The following SLC22A24 variants were observed in gnomAD, a reference collection of about 807,000 sequenced individuals.
SLC22A24 encodes the protein solute carrier family 22 member 24, also known as steroid transmembrane transporter SLC22A24.
A neutral mutation model predicts 49.8 loss-of-function variants in SLC22A24; 53 were observed. That is an observed-to-expected ratio of 1.06 (90% CI 0.85 to 1.34). The LOEUF (loss-of-function observed/expected upper bound fraction) is 1.34. Among genes scored for constraint, SLC22A24 ranks in the 40% most tolerant of loss-of-function variants. The pLI, the probability that SLC22A24 is intolerant of heterozygous loss-of-function variation, is 0.00. For missense variants in SLC22A24, 786 were observed against 675.9 expected, an observed-to-expected ratio of 1.16 and a Z score of -1.81; for synonymous variants, 302 against 256.4, an observed-to-expected ratio of 1.18 and a Z score of -1.70.
intron 2 of SLC22A24, among the ~76,000 whole-genome samples, chr11:63,131,998 A>T (rs2096782): frequency 0.8 from 120,974 of 152,052 alleles, 49,209 homozygotes; most frequent in East Asian, 0.9. Flanking sequence ...TTTTTTCTCT[A>T]ATCTTGTCTT....
intron 1 of SLC22A24, among the ~76,000 whole-genome samples, chr11:63,138,843 T>C (rs561939879): frequency 2.2e-4 from 33 of 150,390 alleles, no homozygotes; most frequent in South Asian, 8.4e-4. Flanking sequence ...ATAAGGTTTT[T>C]TCCCCCCCAT....
Position 63,143,684 on chromosome 11 carries a change from G to A in SLC22A24, c.96C>T (p.Phe32=). The A allele has an allele frequency of 6.3e-7, 1 of 1,586,672 alleles. No individual in the cohort carries two copies. Residue 32 remains phenylalanine (F), a synonymous_variant, in exon 1 of 10, where the codon TTC becomes TTT. Coordinates refer to ENST00000612278, the MANE Select transcript of SLC22A24 (RefSeq NM_001136506.2). ...TGAAGTTCTCCAACACAATATTAGGGAACAGTAGGATGTTGGTGATGCAAA... is the reference window on the plus strand; with the variant it reads ...TGAAGTTCTCCAACACAATATTAGGAAACAGTAGGATGTTGGTGATGCAAA... The part of the protein sequence containing the change: ...AFFCITNILL[F]PNIVLENFTA...
chr11:63,090,328 C>T (rs1386570201), intron 6 of SLC22A24, among the ~76,000 whole-genome samples: 1 of 151,972 alleles, frequency 6.6e-6, no homozygotes. Flanking sequence ...CAAGGGTATT[C>T]AGGACTTGAA....
At chr11:63,132,698 C>T (rs757265646) in intron 2 of SLC22A24, among the ~76,000 whole-genome samples, 1 of 152,196 alleles carries the variant, frequency 6.6e-6, no homozygotes, top group South Asian at 2.1e-4. Context: ...GAGCACCCAC[C>T]TGTATGAGGT....
chr11:63,141,971 G>A lies in SLC22A24; in HGVS notation c.402+1407C>T, dbSNP rs984405176. Reference sequence around the variant, plus strand: ...GTTCTTGATGTTTTTTTTTCTGCAGGTTAGACTAAATTCTAAATTATTTGT... The same window carrying A: ...GTTCTTGATGTTTTTTTTTCTGCAGATTAGACTAAATTCTAAATTATTTGT... On this transcript the variant is annotated intron_variant, in intron 1 of 9. Coordinates refer to ENST00000612278, the MANE Select transcript of SLC22A24 (RefSeq NM_001136506.2). Among the ~76,000 whole-genome samples, 5 of 151,864 alleles carry A rather than the reference G, an allele frequency of 3.3e-5. No individual in the cohort carries two copies. The East Asian group carries it at 5.8e-4, about 18-fold the overall frequency.
At chr11:63,129,034 G>C (rs1260356683) in intron 2 of SLC22A24, among the ~76,000 whole-genome samples, 2 of 152,154 alleles carry the variant, frequency 1.3e-5, no homozygotes, top group Non-Finnish European at 1.5e-5. Context: ...TGGTGTTTTA[G>C]TCATGAAGTC....
intron 2 of SLC22A24, among the ~76,000 whole-genome samples, chr11:63,131,020 A>G (rs1386809080): frequency 6.6e-6 from 1 of 151,952 alleles, no homozygotes; most frequent in East Asian, 1.9e-4. Context: ...TCCCTTTACC[A>G]TTATATAGTG....
intron 5 of SLC22A24, among the ~76,000 whole-genome samples, chr11:63,097,951 G>A (rs554173355): frequency 1.4e-4 from 22 of 152,206 alleles, no homozygotes; most frequent in Non-Finnish European, 2.9e-4. Context: ...GAAAGCATTA[G>A]GACAAATACC....
chr11:63,134,951 A>T (rs2087363235), intron 1 of SLC22A24, among the ~76,000 whole-genome samples, 183 bp from the exon 2 acceptor site: 5 of 152,172 alleles, frequency 3.3e-5, no homozygotes, highest in Admixed American at 3.3e-4. Flanking sequence ...TACTAAACTT[A>T]TTTCAACTTT....
At chr11:63,135,073 C>T (rs187246512) in intron 1 of SLC22A24, among the ~76,000 whole-genome samples, 3 of 152,186 alleles carry the variant, frequency 2.0e-5, no homozygotes, top group East Asian at 3.9e-4. Flanking sequence ...TAATGCATTA[C>T]CTTATACACA....
At chr11:63,118,232 T>TC (rs397783848) in intron 4 of SLC22A24, among the ~76,000 whole-genome samples, 1 of 151,794 alleles carries the variant, frequency 6.6e-6, no homozygotes, top group Non-Finnish European at 1.5e-5. Flanking sequence ...TATTTTTTTT[T>TC]CAAGGCTGCA....
intron 1 of SLC22A24, among the ~76,000 whole-genome samples, chr11:63,140,772 G>A (rs2087410103): frequency 1.3e-5 from 2 of 152,192 alleles, no homozygotes; most frequent in Middle Eastern, 3.2e-3. Flanking sequence ...CGTAGGGAAT[G>A]TGTTTTTGGT....
intron 2 of SLC22A24, among the ~76,000 whole-genome samples, chr11:63,128,555 G>A (rs780940592): frequency 5.9e-5 from 9 of 152,154 alleles, no homozygotes; most frequent in South Asian, 2.1e-4. Context: ...CTCCTGGTCC[G>A]CTTTCATGTT....
At chr11:63,131,021 T>C (rs1188019577) in intron 2 of SLC22A24, among the ~76,000 whole-genome samples, 2 of 152,186 alleles carry the variant, frequency 1.3e-5, no homozygotes, top group Non-Finnish European at 2.9e-5. Context: ...CCCTTTACCA[T>C]TATATAGTGG....
Position 63,104,229 on chromosome 11 carries a change from T to C in SLC22A24, c.900A>G (p.Arg300=), listed in dbSNP as rs545098306. ...NQLDEGLKEL[R]RVAHINGKKN... is the part of the protein sequence containing the mutation. ...TTTTTCCATTTATGTGTGCAACTCT[T>C]CTAAGCTCCTTTAAGCCCTCATCTA... The change falls in exon 5 of 10, where the codon AGA becomes AGG. Residue 300 remains arginine (R), a synonymous_variant. Transcript: ENST00000612278. The C allele has an allele frequency of 7.4e-5, 114 of 1,550,888 alleles. No individual in the cohort carries two copies. The African/African-American group carries it at 1.3e-3, about 17-fold the overall frequency.
At chr11:63,095,855 A>G (rs912923739) in intron 6 of SLC22A24, 136 bp downstream of exon 6, 2 of 649,992 alleles carry the variant, frequency 3.1e-6, no homozygotes, top group African/African-American at 3.7e-5. Flanking sequence ...TGGCACTTAG[A>G]GGCATACATT....
At chr11:63,134,566 A>G in intron 2 of SLC22A24, 99 bp downstream of exon 2, 1 of 715,486 alleles carries the variant, frequency 1.4e-6, no homozygotes, top group South Asian at 1.8e-5. Context: ...ACATAGCACA[A>G]TGCAAAGTAT....
chr11:63,119,399 A>G (rs1200864589), intron 2 of SLC22A24, 64 bp from the exon 3 acceptor site: 1 of 1,381,090 alleles, frequency 7.2e-7, no homozygotes, highest in Non-Finnish European at 9.7e-7. Flanking sequence ...AAACTTGACA[A>G]ACAATGGCGC....
chr11:63,126,732 G>A (rs1171266969), intron 2 of SLC22A24, among the ~76,000 whole-genome samples: 1 of 152,114 alleles, frequency 6.6e-6, no homozygotes, highest in African/African-American at 2.4e-5. Context: ...AGCATTGAAT[G>A]TATAAATTAC....
Sources: gnomAD v4.1 joint callset for allele counts (sites outside exome capture counted in the v4.1 genomes callset) on GRCh38, gnomAD v4.1.1 for gene constraint, MANE v1.5 for transcripts, NCBI Gene and HGNC (gene_info 2026-07-23, HGNC 2026-07-21) for gene names.